KCNT1: variants seen among roughly 807,000 people sequenced by gnomAD.
KCNT1 encodes potassium sodium-activated channel subfamily T member 1.
A neutral mutation model predicts 147.8 loss-of-function variants in KCNT1; 78 were observed. The observed-to-expected ratio is 0.53, with a 90% CI of 0.44 to 0.64. KCNT1 has a LOEUF of 0.64. Ranked by LOEUF, KCNT1 falls within the 30% of genes least tolerant of loss-of-function variation. The pLI is 0.00. For missense variants in KCNT1, 1,419 were observed against 1,750.3 expected (o/e 0.81, Z 3.38); for synonymous variants, 867 against 748.8 (o/e 1.16, Z -2.58).
intron 1 of KCNT1, among the ~76,000 whole-genome samples, chr9:135,704,400 G>A (rs1400907007): frequency 6.6e-6 from 1 of 152,226 alleles, no homozygotes; most frequent in Non-Finnish European, 1.5e-5. Flanking sequence ...AGGCCATCAG[G>A]CCGGAAAGTG....
intron 2 of KCNT1, among the ~76,000 whole-genome samples, chr9:135,720,470 TTGCATAAG>T (rs1463227950): frequency 6.6e-6 from 1 of 152,032 alleles, no homozygotes; most frequent in African/African-American, 2.4e-5. Flanking sequence ...GAGCCTGGGA[TTGCATAAG>T]TGCCCTCCTC....
intron 6 of KCNT1, among the ~76,000 whole-genome samples, 199 bp downstream of exon 6, chr9:135,755,368 C>T (rs1300447811): frequency 2.0e-5 from 3 of 151,052 alleles, no homozygotes; most frequent in Non-Finnish European, 3.0e-5. Flanking sequence ...GACCCAGGCT[C>T]AGCAAATGCT....
At chr9:135,782,832 C>T (rs757586138) in intron 24 of KCNT1, among the ~76,000 whole-genome samples, 5 of 152,342 alleles carry the variant, frequency 3.3e-5, no homozygotes, top group Middle Eastern at 3.4e-3. Context: ...CTCACACGCC[C>T]ATCGCAGCTC....
chr9:135,765,269 G>C (rs933057359), intron 12 of KCNT1, 74 bp downstream of exon 12: 3 of 1,412,910 alleles, frequency 2.1e-6, no homozygotes, highest in Non-Finnish European at 3.0e-6. Flanking sequence ...CCCCAGGACT[G>C]CTTGGCAAGT....
chr9:135,768,809 C>T lies in KCNT1; in HGVS notation c.1402-20C>T. The T allele has an allele frequency of 3.1e-6, 5 of 1,603,220 alleles. No individual in the cohort carries two copies. The highest frequency in any genetic ancestry group is 4.3e-6 in the Non-Finnish European group (5 of 1,174,206). Reference sequence around the variant, plus strand: ...ACAGAGGCCAGCCCGTCTGCACTGACCAACCACCCACCCCGCCAGGACCAC... The same window carrying T: ...ACAGAGGCCAGCCCGTCTGCACTGATCAACCACCCACCCCGCCAGGACCAC... On this transcript the variant is annotated intron_variant, in intron 14 of 30. Transcript: ENST00000371757.
At position 135,714,688 on chromosome 9, in the gene KCNT1, G is replaced by T. The variant is rs573574312; in HGVS notation, c.222G>T (p.Leu74=). The T allele has an allele frequency of 2.7e-6, 4 of 1,471,570 alleles. No individual in the cohort carries two copies. Among genetic ancestry groups the T allele is most frequent in the African/African-American group, 3.0e-5 (2 of 67,762 alleles). The allele number at this position is 1,471,570 out of a possible 1,614,324, so 91.2% of individuals were successfully genotyped here. ...CGCGCTACCGCTTCCGGGACCTGCT[G>T]CTGGGCGACCCGTCCTTCCAGAACG... is the stretch of plus-strand genomic sequence containing the variant. ...LPPRYRFRDL[L]LGDPSFQNDD... Residue 74 remains leucine (L), a synonymous_variant, in exon 2 of 31, where the codon CTG becomes CTT. Transcript: ENST00000371757. This position sits in a 1 kb window ranked among gnomAD's most constrained non-coding sequence, Gnocchi z 6.2.
At chr9:135,726,755 CTCTCCCTCTCTCTCTCTT>C in intron 2 of KCNT1, among the ~76,000 whole-genome samples, 1 of 109,634 alleles carries the variant, frequency 9.1e-6, no homozygotes, top group Non-Finnish European at 2.0e-5. Context: ...CTCCCTCCCT[CTCTCCCTCTCTCTCTCTT>C]CCTCTCTCTC....
intron 2 of KCNT1, among the ~76,000 whole-genome samples, chr9:135,739,167 G>A (rs1247657624): frequency 1.3e-5 from 2 of 152,168 alleles, no homozygotes; most frequent in East Asian, 1.9e-4. Context: ...CTGGGCAGGG[G>A]GCCCATGCTG....
chr9:135,735,574 G>C (rs959773864), intron 2 of KCNT1, among the ~76,000 whole-genome samples: 1 of 152,182 alleles, frequency 6.6e-6, no homozygotes, highest in African/African-American at 2.4e-5. Flanking sequence ...AGCCGGCTCC[G>C]GGAGGGCTTC....
intron 19 of KCNT1, among the ~76,000 whole-genome samples, chr9:135,775,017 G>A (rs547800466): frequency 6.6e-6 from 1 of 152,272 alleles, no homozygotes; most frequent in African/African-American, 2.4e-5. Context: ...TTCGGCACCT[G>A]CATGGGTGCC....
intron 1 of KCNT1, among the ~76,000 whole-genome samples, chr9:135,711,980 A>G (rs1835513542): frequency 6.6e-6 from 1 of 152,236 alleles, no homozygotes; most frequent in African/African-American, 2.4e-5. Flanking sequence ...GCATGAGCAT[A>G]CAGGCTCAGG....
chr9:135,761,625 C>T (rs1430306771), intron 11 of KCNT1, among the ~76,000 whole-genome samples: 1 of 152,254 alleles, frequency 6.6e-6, no homozygotes, highest in African/African-American at 2.4e-5. Context: ...CTACGGGCCC[C>T]CAGCCTCCGT....
chr9:135,769,974 A>G lies in KCNT1; in HGVS notation c.1538A>G (p.Lys513Arg). ...ADHVVCEEECKYAMLALNCIC... is the reference protein window; with the variant it reads ...ADHVVCEEECRYAMLALNCIC... ...CACGTGGTGTGTGAGGAGGAGTGCA[A>G]GTACGCCATGCTGGCGCTGAACTGC... The change falls in exon 16 of 31, where the codon AAG (lysine) becomes AGG (arginine). Residue 513 changes from lysine to arginine, a missense_variant. Lys to Arg is a conservative substitution (Grantham distance 26, BLOSUM62 2). This residue lies in a region of KCNT1 where 401 missense variants were observed against 610.6 expected (regional missense o/e 0.66). Transcript: ENST00000371757. 6.4e-7 allele frequency: 1 copy of G among 1,555,348 alleles called. No homozygotes were observed. Among genetic ancestry groups the G allele is most frequent in the East Asian group, 2.4e-5 (1 of 41,336 alleles).
intron 29 of KCNT1, chr9:135,788,025 G>GGCC: frequency 1.7e-6 from 2 of 1,187,570 alleles, no homozygotes; most frequent in African/African-American, 3.0e-5. Context: ...CCACTGTGCC[G>GGCC]GCCGCCCGCA....
Position 135,778,301 on chromosome 9 carries a change from C to T in KCNT1, c.2523-123C>T, listed in dbSNP as rs12002912. On this transcript the variant is annotated intron_variant, in intron 21 of 30. Transcript: ENST00000371757. ...CTTAAAGTACTCCCCAGGTCCCATA[C>T]GCTGCGGTTCTGGGGAACCCCTGCC... 2.3e-3 allele frequency: 1,871 copies of T among 796,438 alleles called. 24 individuals are homozygous for T. In the African/African-American group the frequency reaches 0.029, roughly 12 times the overall value. 49.3% of individuals were successfully genotyped at this position (796,438 alleles called of 1,614,324 possible). A position where few individuals can be genotyped will look rare whatever the true frequency, so the allele number is the denominator to read the frequency against.
chr9:135,702,281 G>A lies in KCNT1; in HGVS notation c.23G>A (p.Arg8Gln). 9 of 1,608,688 alleles carry A rather than the reference G, an allele frequency of 5.6e-6. No individual in the cohort carries two copies. The highest frequency in any genetic ancestry group is 7.6e-6 in the Non-Finnish European group (9 of 1,177,744). The change falls in exon 1 of 31, where the codon CGG becomes CAG. Residue 8 changes from arginine to glutamine, a missense_variant. This residue lies in a region of KCNT1 where 181 missense variants were observed against 155.7 expected (regional missense o/e 1.16). Transcript: ENST00000371757. ...CGCATGCCACTCCCTGACGGGGCGC[G>A]GACCCCGGGGGGCGTCTGCCGGGAG... MPLPDGARTPGGVCREAR... is the reference protein window; with the variant it reads MPLPDGAQTPGGVCREAR...
intron 1 of KCNT1, among the ~76,000 whole-genome samples, chr9:135,702,684 G>A (rs932547467): frequency 2.0e-5 from 3 of 152,198 alleles, no homozygotes; most frequent in East Asian, 3.9e-4. Context: ...CAGGGAGGCT[G>A]GGGGCGGTGC....
rs531360945 is a variant in KCNT1, at chr9:135,708,192, A to G, written c.110+5824A>G. Among the ~76,000 whole-genome samples, 236 of 152,312 alleles carry G rather than the reference A, an allele frequency of 1.5e-3. 1 individual carries two copies. The highest frequency in any genetic ancestry group is 5.5e-3 in the African/African-American group (228 of 41,546). ...ATGCAGGGTAGGGATGCCCACACAC[A>G]TACAGGCACATGCACACAGATCCAT... On this transcript the variant is annotated intron_variant, in intron 1 of 30. Coordinates refer to ENST00000371757, the MANE Select transcript of KCNT1 (RefSeq NM_020822.3).
chr9:135,758,316 C>T (rs929827048), intron 9 of KCNT1, 98 bp from the exon 10 acceptor site: 55 of 911,528 alleles, frequency 6.0e-5, no homozygotes, highest in East Asian at 2.0e-4. Flanking sequence ...CAGGTGTGGC[C>T]GGGCCGTCTG....
Sources: allele counts gnomAD v4.1 joint callset (sites outside exome capture counted in the v4.1 genomes callset), GRCh38; gene constraint gnomAD v4.1.1; regional missense constraint gnomAD v4.1.1; non-coding constraint Gnocchi (gnomAD v3.1); transcripts MANE v1.5; gene names NCBI Gene and HGNC (gene_info 2026-07-23, HGNC 2026-07-21).